TBC1D8: variants seen among roughly 807,000 people sequenced by gnomAD.
TBC1D8 encodes the protein TBC1 domain family member 8, also known as BUB2-like protein 1.
In TBC1D8, 65 loss-of-function variants were observed where a neutral mutation model predicts 118.8. The ratio of observed to expected loss-of-function variants is 0.55; its 90% CI spans 0.45 to 0.67. TBC1D8 has a LOEUF of 0.67. Among genes scored for constraint, TBC1D8 ranks in the 30% least tolerant of loss-of-function variants. The pLI, the probability that TBC1D8 is intolerant of heterozygous loss-of-function variation, is 0.00. For missense variants in TBC1D8, 1,376 were observed against 1,471.2 expected (o/e 0.94, Z 1.06); for synonymous variants, 566 against 595.8 (o/e 0.95, Z 0.73).
intron 1 of TBC1D8, among the ~76,000 whole-genome samples, chr2:101,100,299 T>A (rs187652617): frequency 6.6e-6 from 1 of 152,208 alleles, no homozygotes; most frequent in Non-Finnish European, 1.5e-5. Context: ...GGAATACAGC[T>A]AACAAGCGAT....
In TBC1D8 at chr2:101,028,071, C is replaced by T. The variant is rs757214698; in HGVS notation, c.2428G>A (p.Glu810Lys). Reference sequence around the variant, plus strand: ...ACCACGTTCTGCTTTGTGGTGTCCTCGTGGCCTTGGAGGACCCTGATCCTG... The same window carrying T: ...ACCACGTTCTGCTTTGTGGTGTCCTTGTGGCCTTGGAGGACCCTGATCCTG... ...KHRIRVLQGH[E>K]DTTKQNVLRV... Residue 810 changes from glutamate (E) to lysine (K), a missense_variant, in exon 14 of 20, where the codon GAG (glutamate) becomes AAG (lysine). Transcript: ENST00000409318. 5 of 1,614,022 alleles carry T rather than the reference C, an allele frequency of 3.1e-6. No homozygotes were observed. Among genetic ancestry groups the T allele is most frequent in the Non-Finnish European group, 2.5e-6 (3 of 1,179,908 alleles).
rs1401054447 is a variant in TBC1D8 at position 101,022,487 on chromosome 2, G to T, written c.2555C>A (p.Pro852His). 5 of 1,602,232 alleles carry T rather than the reference G, an allele frequency of 3.1e-6. No individual in the cohort carries two copies. Among genetic ancestry groups the T allele is most frequent in the Middle Eastern group, 1.7e-4 (1 of 6,032 alleles). ...EHMMSCYWEQ[P>H]RPMASRHDPS... ...GTCGTGGCGTGAGGCCATGGGCCTG[G>T]GCTGCTCCCAGTAACAGCTCATCAT... Residue 852 changes from proline to histidine, a missense_variant, in exon 16 of 20, where the codon CCC (proline) becomes CAC (histidine). Physicochemically the swap from Pro to His is moderately conservative, Grantham distance 77. Coordinates refer to ENST00000409318, the MANE Select transcript of TBC1D8 (RefSeq NM_001330348.2).
intron 2 of TBC1D8, among the ~76,000 whole-genome samples, chr2:101,061,657 G>A (rs533654188): frequency 6.6e-6 from 1 of 152,186 alleles, no homozygotes; most frequent in East Asian, 1.9e-4. Flanking sequence ...ACCCTGCCCT[G>A]CTGCCCCTCG....
At chr2:101,149,486 G>A (rs990676465) in intron 1 of TBC1D8, among the ~76,000 whole-genome samples, 2 of 152,196 alleles carry the variant, frequency 1.3e-5, no homozygotes, top group Non-Finnish European at 2.9e-5. Flanking sequence ...AGAGCAGCGA[G>A]CAGAGTATCC....
intron 1 of TBC1D8, among the ~76,000 whole-genome samples, chr2:101,125,743 G>T (rs1678320152): frequency 6.6e-6 from 1 of 152,208 alleles, no homozygotes; most frequent in Admixed American, 6.5e-5. Context: ...GAGACTTAAG[G>T]ATATCTAAAT....
intron 1 of TBC1D8, among the ~76,000 whole-genome samples, chr2:101,106,625 G>A (rs1677236610): frequency 6.6e-6 from 1 of 152,220 alleles, no homozygotes; most frequent in South Asian, 2.1e-4. Flanking sequence ...ACTAACAATG[G>A]TTCCACTTAA....
Position 101,033,705 on chromosome 2 carries a change from C to A in TBC1D8, c.1657G>T (p.Glu553Ter), listed in dbSNP as rs369090730. Residue 553 changes from glutamate (E) to a stop codon, truncating the protein, a stop_gained, in exon 10 of 20, where the codon GAG becomes TAG. Coordinates refer to ENST00000409318, the MANE Select transcript of TBC1D8 (RefSeq NM_001330348.2). LOFTEE classifies it high-confidence loss of function. ...ACCAGGCAGCATTTCCCCAGGGACT[C>A]CTCCACCAGATTCCCGTAGTAACCA... is the stretch of plus-strand genomic sequence containing the variant. ...HPGYYGNLVE[E>*]SLGKCCLVTE... The A allele has an allele frequency of 2.4e-5, 39 of 1,613,856 alleles. No homozygotes were observed. The highest frequency in any genetic ancestry group is 1.2e-4 in the African/African-American group (9 of 74,908).
chr2:101,082,201 T>C (rs1309871949), intron 2 of TBC1D8, among the ~76,000 whole-genome samples: 3 of 152,186 alleles, frequency 2.0e-5, no homozygotes, highest in Non-Finnish European at 4.4e-5. Flanking sequence ...GGGAATTACC[T>C]ACCAAAAAGA....
chr2:101,105,375 A>G (rs190481802), intron 1 of TBC1D8, among the ~76,000 whole-genome samples: 10 of 152,166 alleles, frequency 6.6e-5, no homozygotes, highest in South Asian at 2.1e-4. Flanking sequence ...CAAATAACAT[A>G]TGAAGTGTTT....
At chr2:101,107,966 G>A (rs575712735) in intron 1 of TBC1D8, among the ~76,000 whole-genome samples, 1 of 152,042 alleles carries the variant, frequency 6.6e-6, no homozygotes, top group South Asian at 2.1e-4. Context: ...GGCTGAGGTA[G>A]GAGGATCACC....
intron 4 of TBC1D8, among the ~76,000 whole-genome samples, chr2:101,052,770 T>C (rs1472902543): frequency 2.6e-5 from 4 of 152,232 alleles, no homozygotes; most frequent in African/African-American, 9.6e-5. Context: ...TTCATTTTCC[T>C]TTTCAAATAG....
At chr2:101,146,136 A>G (rs1158745758) in intron 1 of TBC1D8, among the ~76,000 whole-genome samples, 1 of 152,206 alleles carries the variant, frequency 6.6e-6, no homozygotes, top group African/African-American at 2.4e-5. Context: ...TGCTGTAGAA[A>G]ACAGTCTCTA....
chr2:101,089,417 G>C (rs564849306), intron 2 of TBC1D8, among the ~76,000 whole-genome samples: 1 of 145,532 alleles, frequency 6.9e-6, no homozygotes, highest in East Asian at 2.1e-4. Flanking sequence ...TTTATTACTC[G>C]TGTTTAAAAA....
chr2:101,150,499 C>G (rs1679509562), intron 1 of TBC1D8, among the ~76,000 whole-genome samples: 1 of 152,214 alleles, frequency 6.6e-6, no homozygotes, highest in South Asian at 2.1e-4. Flanking sequence ...CTTTACGAGC[C>G]TGGGTTTTTT....
rs146705934 is a variant in TBC1D8, at chr2:101,028,991, A to C, written c.2222+500T>G. Among the ~76,000 whole-genome samples, 599 of 152,334 alleles carry C rather than the reference A, an allele frequency of 3.9e-3. 3 individuals carry two copies. Among genetic ancestry groups the C allele is most frequent in the Middle Eastern group, 0.014 (4 of 294 alleles). ...CTCTTCCTGGAGTTTCTCACTGTGG[A>C]AAGGAGTGAGGGACAATGGCACCCT... On this transcript the variant is annotated intron_variant, in intron 12 of 19. Transcript: ENST00000409318.
chr2:101,147,606 T>C (rs1387115384), intron 1 of TBC1D8, among the ~76,000 whole-genome samples: 1 of 152,266 alleles, frequency 6.6e-6, no homozygotes, highest in Non-Finnish European at 1.5e-5. Context: ...TTAGTGATGC[T>C]GGGCATGTTT....
chr2:101,148,009 GAA>G (rs1329761350), intron 1 of TBC1D8, among the ~76,000 whole-genome samples: 3 of 152,132 alleles, frequency 2.0e-5, no homozygotes, highest in African/African-American at 7.2e-5. Flanking sequence ...CTAACCTGAG[GAA>G]AAGATGGGCA....
At chr2:101,014,077 C>A (rs1248166441) in intron 17 of TBC1D8, among the ~76,000 whole-genome samples, 2 of 152,162 alleles carry the variant, frequency 1.3e-5, no homozygotes, top group African/African-American at 4.8e-5. Context: ...CTACTGGAGG[C>A]AGGGATCATA....
At chr2:101,125,027 T>A (rs1676316446) in intron 1 of TBC1D8, among the ~76,000 whole-genome samples, 1 of 152,186 alleles carries the variant, frequency 6.6e-6, no homozygotes, top group African/African-American at 2.4e-5. Flanking sequence ...TGTGTGTGAA[T>A]CCATTTCCTC....
Sources: allele counts gnomAD v4.1 joint callset (sites outside exome capture counted in the v4.1 genomes callset), GRCh38; gene constraint gnomAD v4.1.1; transcripts MANE v1.5; gene names NCBI Gene and HGNC (gene_info 2026-07-23, HGNC 2026-07-21).